The following IST1 variants were observed in gnomAD, a reference collection of about 807,000 sequenced individuals.
IST1 encodes IST1 homolog.
In IST1, 23 loss-of-function variants were observed where a neutral mutation model predicts 37.0. That is an observed-to-expected ratio of 0.62 (90% CI 0.45 to 0.88). The LOEUF is 0.88. Ranked by LOEUF, IST1 falls within the 40% of genes least tolerant of loss-of-function variation. The pLI is 0.00. For missense variants in IST1, 488 were observed against 445.4 expected (o/e 1.10, Z -0.86); for synonymous variants, 180 against 161.7 (o/e 1.11, Z -0.86).
At position 71,920,791 on chromosome 16, in the gene IST1, G is replaced by T; in HGVS notation, c.410G>T (p.Arg137Met). 1 of 1,613,724 alleles carries T rather than the reference G, an allele frequency of 6.2e-7. No individual in the cohort carries two copies. The highest frequency in any genetic ancestry group is 8.5e-7 in the Non-Finnish European group (1 of 1,179,610). Residue 137 changes from arginine (R) to methionine (M), a missense_variant, in exon 5 of 10, where the codon AGG (arginine) becomes ATG (methionine). By Grantham distance (91) the Arg-to-Met change is moderately conservative (BLOSUM62 -1). Coordinates refer to ENST00000378799, the MANE Select transcript of IST1 (RefSeq NM_001270975.2). Reference sequence around the variant, plus strand: ...AGCAAGGAATATGGCAAGCTATGTAGGACCAACCAGATTGGAACTGTGAAT... The same window carrying T: ...AGCAAGGAATATGGCAAGCTATGTATGACCAACCAGATTGGAACTGTGAAT... The part of the protein sequence containing the change: ...KYSKEYGKLC[R>M]TNQIGTVNDR...
intron 1 of IST1, among the ~76,000 whole-genome samples, chr16:71,906,864 A>G (rs573221350): frequency 7.2e-5 from 11 of 152,190 alleles, no homozygotes; most frequent in South Asian, 2.1e-4. Flanking sequence ...ACTGCTTTCA[A>G]TATTTTAAAA....
In IST1 at chr16:71,923,343, C is replaced by T. The variant is rs1422818425; in HGVS notation, c.815C>T (p.Pro272Leu). The T allele has an allele frequency of 5.0e-6, 8 of 1,611,934 alleles. 1 individual carries two copies. The highest frequency in any genetic ancestry group is 2.2e-5 in the South Asian group (2 of 91,016). ...GTYQAFPNIH[P>L]PQIPATPPSY... ...TATCAGGCCTTTCCCAATATTCATC[C>T]ACCTCAGATACCAGCAACTCCCCCA... Residue 272 changes from proline (P) to leucine (L), a missense_variant, in exon 8 of 10, where the codon CCA becomes CTA. By Grantham distance (98) the Pro-to-Leu change is moderately conservative. Transcript: ENST00000378799.
chr16:71,927,494 A>C lies in IST1; in HGVS notation c.902-120A>C. The C allele has an allele frequency of 3.9e-6, 3 of 778,854 alleles. No individual in the cohort carries two copies. In the South Asian group the frequency reaches 5.1e-5, roughly 13 times the overall value. The allele number at this position is 778,854 out of a possible 1,614,324, so 48.2% of individuals were successfully genotyped here. On this transcript the variant is annotated intron_variant, in intron 9 of 9. Coordinates refer to ENST00000378799, the MANE Select transcript of IST1 (RefSeq NM_001270975.2). ...ACAGAGGGAGACTGTCTCAAAAAAA[A>C]AAAAAAAAGTTTGTGAACTAAGGTT...
Position 71,930,722 on chromosome 16 carries a change from T to A in IST1, c.*2909T>A, listed in dbSNP as rs2037921319. The A allele has an allele frequency of 6.6e-6, 1 of 152,200 alleles. No individual in the cohort carries two copies. Among genetic ancestry groups the A allele is most frequent in the African/African-American group, 2.4e-5 (1 of 41,454 alleles). 9.4% of individuals were successfully genotyped at this position (152,200 alleles called of 1,614,324 possible). A position where few individuals can be genotyped will look rare whatever the true frequency, so the allele number is the denominator to read the frequency against. On this transcript the variant is annotated 3_prime_UTR_variant, in exon 10 of 10. Transcript: ENST00000378799. ...TTCTGCCATTCTTTACTTTTCTGCATACATAAATATCAAGTTCTGGGCTTA... is the reference window on the plus strand; with the variant it reads ...TTCTGCCATTCTTTACTTTTCTGCAAACATAAATATCAAGTTCTGGGCTTA...
In IST1 at chr16:71,917,109, A is replaced by T; in HGVS notation, c.332A>T (p.Gln111Leu). ...TTGATCTGGGCTGCTCCTCGACTCC[A>T]GTCAGAAGTGGCTGAGTTGAAAATA... ...STLIWAAPRLQSEVAELKIVA... is the reference protein window; with the variant it reads ...STLIWAAPRLLSEVAELKIVA... The change falls in exon 4 of 10, where the codon CAG becomes CTG. Residue 111 changes from glutamine to leucine, a missense_variant. Coordinates refer to ENST00000378799, the MANE Select transcript of IST1 (RefSeq NM_001270975.2). 1 of 1,611,002 alleles carries T rather than the reference A, an allele frequency of 6.2e-7. No homozygotes were observed. The highest frequency in any genetic ancestry group is 8.5e-7 in the Non-Finnish European group (1 of 1,177,818).
chr16:71,894,697 AC>A (rs1446457979), upstream of IST1: 12 of 550,660 alleles, frequency 2.2e-5, no homozygotes, highest in East Asian at 3.4e-5. Flanking sequence ...CTAATTTTTA[AC>A]TTTTTTTTTT....
At chr16:71,894,870 A>G (rs1484820996), upstream of IST1, 4 of 1,521,324 alleles carry the variant, frequency 2.6e-6, no homozygotes, top group Non-Finnish European at 3.5e-6. Flanking sequence ...TAACCAAGGA[A>G]AAAGTTTTCT....
chr16:71,925,584 G>C lies in IST1; in HGVS notation c.901+767G>C, dbSNP rs532013070. On this transcript the variant is annotated intron_variant, in intron 9 of 9. Coordinates refer to ENST00000378799, the MANE Select transcript of IST1 (RefSeq NM_001270975.2). ...CTGCCTCAGCCTCCCAAAGTGCTGA[G>C]ATTACAGGCATGAGCCACCGTGCCC... 2.6e-5 allele frequency among the ~76,000 whole-genome samples: 4 copies of C among 152,248 alleles called. No homozygotes were observed. In the East Asian group the frequency reaches 7.8e-4, roughly 30 times the overall value.
At chr16:71,917,000 G>T (rs983072650) in intron 3 of IST1, 47 bp from the exon 4 acceptor site, 2 of 1,253,254 alleles carry the variant, frequency 1.6e-6, no homozygotes, top group Non-Finnish European at 2.3e-6. Flanking sequence ...CTAGGATTTT[G>T]TTGGTTTGTT....
chr16:71,926,534 G>A (rs2037747833), intron 9 of IST1, among the ~76,000 whole-genome samples: 1 of 151,824 alleles, frequency 6.6e-6, no homozygotes, highest in Admixed American at 6.6e-5. Flanking sequence ...TTTTAGTAGA[G>A]ATGGGGTTTC....
intron 1 of IST1, among the ~76,000 whole-genome samples, chr16:71,908,891 T>G (rs971719809): frequency 2.0e-5 from 3 of 152,150 alleles, no homozygotes; most frequent in African/African-American, 7.2e-5. Context: ...TCTGCTATTA[T>G]TTTTCATAGT....
chr16:71,929,974 C>G lies in IST1; in HGVS notation c.*2161C>G. On this transcript the variant is annotated 3_prime_UTR_variant, in exon 10 of 10. Transcript: ENST00000378799. The stretch of plus-strand genomic sequence containing the variant: ...TACTGTGCATTATAAATTATGTCAG[C>G]CCGTCATCTTAGGGGCAGTTACAGT... 7.1e-7 allele frequency: 1 copy of G among 1,411,850 alleles called. No individual in the cohort carries two copies. The allele number at this position is 1,411,850 out of a possible 1,614,324, so 87.5% of individuals were successfully genotyped here.
Position 71,928,149 on chromosome 16 carries a change from C to T in IST1, c.*336C>T. 1 of 335,304 alleles carries T rather than the reference C, an allele frequency of 3.0e-6. No individual in the cohort carries two copies. The highest frequency in any genetic ancestry group is 4.4e-5 in the Admixed American group (1 of 22,540). The allele number at this position is 335,304 out of a possible 1,614,324, so 20.8% of individuals were successfully genotyped here. A position where few individuals can be genotyped will look rare whatever the true frequency, so the allele number is the denominator to read the frequency against. On this transcript the variant is annotated 3_prime_UTR_variant, in exon 10 of 10. Transcript: ENST00000378799. ...GGGGGAAGCACTGTGGGAAGACCAC[C>T]AAAGATGGCTGGACAGTGGGAGAGA...
chr16:71,911,924 C>T (rs1333893407), intron 1 of IST1, among the ~76,000 whole-genome samples: 2 of 151,850 alleles, frequency 1.3e-5, no homozygotes, highest in African/African-American at 4.8e-5. Context: ...CACCATGTTG[C>T]CCGGGCTGGT....
chr16:71,916,989 G>A lies in IST1; in HGVS notation c.270-58G>A, dbSNP rs7198082. 8.2e-3 allele frequency: 9,268 copies of A among 1,130,598 alleles called. 518 individuals carry two copies. In the African/African-American group the frequency reaches 0.13, roughly 15 times the overall value. The allele number at this position is 1,130,598 out of a possible 1,614,324, so 70.0% of individuals were successfully genotyped here. On this transcript the variant is annotated intron_variant, in intron 3 of 9. Coordinates refer to ENST00000378799, the MANE Select transcript of IST1 (RefSeq NM_001270975.2). Reference sequence around the variant, plus strand: ...AGGCTATAAAGTATATGAAACAAAAGCTAGGATTTTGTTGGTTTGTTTTAA... The same window carrying A: ...AGGCTATAAAGTATATGAAACAAAAACTAGGATTTTGTTGGTTTGTTTTAA...
chr16:71,926,677 A>G (rs1043243723), intron 9 of IST1, among the ~76,000 whole-genome samples: 8 of 152,132 alleles, frequency 5.3e-5, no homozygotes, highest in African/African-American at 7.2e-5. Flanking sequence ...TACACAGACA[A>G]TTCCACTCTC....
chr16:71,896,121 A>G (rs2036964322), intron 1 of IST1, among the ~76,000 whole-genome samples: 1 of 151,864 alleles, frequency 6.6e-6, no homozygotes, highest in Non-Finnish European at 1.5e-5. Flanking sequence ...AGAAAATTAC[A>G]ATTTCTTTCG....
At chr16:71,910,402 C>G (rs530966767) in intron 1 of IST1, among the ~76,000 whole-genome samples, 20 of 152,052 alleles carry the variant, frequency 1.3e-4, no homozygotes, top group African/African-American at 4.1e-4. Context: ...GTCAGGAGAT[C>G]GAGACCATCC....
rs974792009 is a variant in IST1, at chr16:71,928,267, G to A, written c.*454G>A. The A allele has an allele frequency of 5.9e-6, 1 of 169,824 alleles. No individual in the cohort carries two copies. 10.5% of individuals were successfully genotyped at this position (169,824 alleles called of 1,614,324 possible). A position where few individuals can be genotyped will look rare whatever the true frequency, so the allele number is the denominator to read the frequency against. ...GGGATTGTGGTGAGTGAGAATCAAG[G>A]CCACCTTGTGTGTTTTCTCACTCTC... On this transcript the variant is annotated 3_prime_UTR_variant, in exon 10 of 10. Transcript: ENST00000378799.
Sources: allele counts gnomAD v4.1 joint callset (sites outside exome capture counted in the v4.1 genomes callset), GRCh38; gene constraint gnomAD v4.1.1; transcripts MANE v1.5; gene names NCBI Gene and HGNC (gene_info 2026-07-23, HGNC 2026-07-21).